CERS1: variants seen among roughly 807,000 people sequenced by gnomAD.
CERS1 encodes the protein Embryonic growth/differentiation factor 1.
A neutral mutation model predicts 35.7 loss-of-function variants in CERS1; 16 were observed. The observed-to-expected ratio is 0.45, with a 90% confidence interval of 0.30 to 0.68. The LOEUF (loss-of-function observed/expected upper bound fraction) is 0.68, where lower values mean the gene tolerates loss of function less well. CERS1 is among the 30% of genes least tolerant of loss of function. The probability of loss-of-function intolerance (pLI) is 0.08; values close to 1 mark genes in which losing one functional copy is unlikely to be tolerated. For synonymous variants in CERS1, 243 were observed against 201.6 expected, an observed-to-expected ratio of 1.21 and a Z score of -1.74; for missense variants, 454 against 453.9, an observed-to-expected ratio of 1.00 and a Z score of 0.00.
At chr19:18,885,500 C>T (rs1234750214) in intron 2 of CERS1, among the ~76,000 whole-genome samples, 1 of 144,024 alleles carries the variant, frequency 6.9e-6, no homozygotes, top group Non-Finnish European at 1.5e-5. Context: ...CCCAGCCCAG[C>T]GCCCCTTCTC....
At position 18,878,791 on chromosome 19, in the gene CERS1, C is replaced by T. The variant is rs1296657524; in HGVS notation, c.1010+139G>A. 3.4e-6 allele frequency: 5 copies of T among 1,466,822 alleles called. No homozygotes were observed. The East Asian group carries it at 1.3e-4, about 37-fold the overall frequency. 90.9% of individuals were successfully genotyped at this position (1,466,822 alleles called of 1,614,324 possible). On this transcript the variant is annotated intron_variant, in intron 6 of 7. Coordinates refer to ENST00000623882, the MANE Select transcript of CERS1 (RefSeq NM_021267.5). The surrounding 1 kb of genome is among the most constrained non-coding windows in gnomAD (Gnocchi z 4.6). ...ACATCGTCCACGCCTTTATTGCAGT[C>T]TCTGTTTTGGAGTAGGCTTGGGGGG...
chr19:18,869,433 G>A (rs2055921209), intron 7 of CERS1, 43 bp from the exon 8 acceptor site: 5 of 1,519,000 alleles, frequency 3.3e-6, no homozygotes, highest in Admixed American at 2.0e-5. Context: ...CTGCGTCCCC[G>A]GCCTGCCCAT....
chr19:18,896,978 G>T (rs2056635686), upstream of CERS1, among the ~76,000 whole-genome samples: 1 of 152,056 alleles, frequency 6.6e-6, no homozygotes, highest in Non-Finnish European at 1.5e-5. The surrounding 1 kb of genome is among the most constrained non-coding windows in gnomAD (Gnocchi z 5.9). Flanking sequence ...AGAGGCTGCA[G>T]GAGTGGGTGC....
intron 2 of CERS1, among the ~76,000 whole-genome samples, chr19:18,892,600 C>A (rs1055319302): frequency 6.6e-5 from 10 of 151,920 alleles, no homozygotes; most frequent in East Asian, 2.0e-4. Flanking sequence ...GGCGACAGAG[C>A]GAGACTCCAT....
Position 18,878,704 on chromosome 19 carries a change from G to T in CERS1, c.1010+226C>A. On this transcript the variant is annotated intron_variant, in intron 6 of 7. Coordinates refer to ENST00000623882, the MANE Select transcript of CERS1 (RefSeq NM_021267.5). The surrounding 1 kb of genome is among the most constrained non-coding windows in gnomAD (Gnocchi z 4.6). ...CCGCTGAGACCCTGCCTGTCGCCCTGCCTGCCCCTCCCCAGCCTCTCCCTC... is the reference window on the plus strand; with the variant it reads ...CCGCTGAGACCCTGCCTGTCGCCCTTCCTGCCCCTCCCCAGCCTCTCCCTC... The T allele has an allele frequency of 7.3e-7, 1 of 1,373,038 alleles. No individual in the cohort carries two copies. Among genetic ancestry groups the T allele is most frequent in the Non-Finnish European group, 9.4e-7 (1 of 1,060,058 alleles). The allele number at this position is 1,373,038 out of a possible 1,614,324, so 85.1% of individuals were successfully genotyped here.
chr19:18,868,548 C>CAGA lies in CERS1; in HGVS notation c.*1434_*1436dup, dbSNP rs1277342722. The CAGA allele has an allele frequency of 3.5e-6, 5 of 1,425,036 alleles. No individual in the cohort carries two copies. The highest frequency in any genetic ancestry group is 4.8e-6 in the Non-Finnish European group (5 of 1,036,100). The allele number at this position is 1,425,036 out of a possible 1,614,324, so 88.3% of individuals were successfully genotyped here. A position where few individuals can be genotyped will look rare whatever the true frequency, so the allele number is the denominator to read the frequency against. ...AAGGAGTCCAAGGAGACCAGCGGAGCAGACCACGCGGCATTTATTGTTGGG... is the reference window on the plus strand; with the variant it reads ...AAGGAGTCCAAGGAGACCAGCGGAGCAGAAGACCACGCGGCATTTATTGTTGGG... On this transcript the variant is annotated 3_prime_UTR_variant, in exon 8 of 8. Transcript: ENST00000623882.
At chr19:18,888,851 A>G (rs1354899689) in intron 2 of CERS1, among the ~76,000 whole-genome samples, 1 of 151,220 alleles carries the variant, frequency 6.6e-6, no homozygotes, top group East Asian at 1.9e-4. Context: ...ACAACAAACA[A>G]ACAAAAAACC....
intron 2 of CERS1, among the ~76,000 whole-genome samples, chr19:18,886,609 G>A (rs929849501): frequency 6.6e-6 from 1 of 152,128 alleles, no homozygotes; most frequent in Non-Finnish European, 1.5e-5. Flanking sequence ...GCCATGCTGT[G>A]CTCTGCCCAC....
At chr19:18,877,104 G>A (rs1601158274) in intron 6 of CERS1, among the ~76,000 whole-genome samples, 2 of 152,220 alleles carry the variant, frequency 1.3e-5, no homozygotes, top group Non-Finnish European at 2.9e-5. Flanking sequence ...TGTCCTTGGA[G>A]AATCGAATTC....
chr19:18,872,938 C>T (rs2056001048), intron 6 of CERS1, among the ~76,000 whole-genome samples: 1 of 152,218 alleles, frequency 6.6e-6, no homozygotes, highest in Non-Finnish European at 1.5e-5. Context: ...GCGTGAGCCA[C>T]CATGCCGGGC....
rs2055967798 is a variant in CERS1, at chr19:18,871,371, G to GCCA, written c.1011-755_1011-753dup. ...CCTCCTGAGTAGTGTGGTGGCACCT[G>GCCA]CCACCACACCCAGCTAATTTTTGTA... is the stretch of plus-strand genomic sequence containing the variant. On this transcript the variant is annotated intron_variant, in intron 6 of 7. Coordinates refer to ENST00000623882, the MANE Select transcript of CERS1 (RefSeq NM_021267.5). 2.6e-5 allele frequency among the ~76,000 whole-genome samples: 4 copies of GCCA among 151,348 alleles called. No individual in the cohort carries two copies. In the South Asian group the frequency reaches 8.4e-4, roughly 32 times the overall value.
intron 6 of CERS1, among the ~76,000 whole-genome samples, chr19:18,873,033 A>G (rs1159900366): frequency 6.6e-6 from 1 of 152,102 alleles, no homozygotes; most frequent in African/African-American, 2.4e-5. Flanking sequence ...GCAGAGAGAG[A>G]AGGATGATGC....
chr19:18,875,234 TAA>T (rs869211539), intron 6 of CERS1, among the ~76,000 whole-genome samples: 58 of 122,052 alleles, frequency 4.8e-4, no homozygotes, highest in Non-Finnish European at 4.0e-4. Flanking sequence ...GGACCGTCTC[TAA>T]AAAAAAAAAA....
At chr19:18,877,756 CAAAAA>C (rs386388683) in intron 6 of CERS1, among the ~76,000 whole-genome samples, 1 of 103,990 alleles carries the variant, frequency 9.6e-6, no homozygotes, top group African/African-American at 3.9e-5. Flanking sequence ...GACCCTGTCT[CAAAAA>C]AAAAAAAAAA....
rs547717675 is a variant in CERS1, at chr19:18,891,396, C to T, written c.409+2020G>A. Among the ~76,000 whole-genome samples the T allele has an allele frequency of 2.0e-4, 31 of 152,310 alleles. No homozygotes were observed. The East Asian group carries it at 5.8e-3, about 28-fold the overall frequency. On this transcript the variant is annotated intron_variant, in intron 2 of 7. Coordinates refer to ENST00000623882, the MANE Select transcript of CERS1 (RefSeq NM_021267.5). ...GGCAGAGAAGCCGCAGCCCCCACTG[C>T]CCCATCGCAGATGGGGTTTCCTACA...
At position 18,895,811 on chromosome 19, in the gene CERS1, C is replaced by G; in HGVS notation, c.249+13G>C. The G allele has an allele frequency of 1.6e-6, 2 of 1,236,090 alleles. No individual in the cohort carries two copies. Among genetic ancestry groups the G allele is most frequent in the Middle Eastern group, 3.3e-4 (1 of 3,014 alleles). The allele number at this position is 1,236,090 out of a possible 1,614,324, so 76.6% of individuals were successfully genotyped here. ...TCCGGGGTCCCCTCGTCCCGGCCCC[C>G]GGCCACACTGACCCGAAAGAGGCGC... On this transcript the variant is annotated intron_variant, in intron 1 of 7. Transcript: ENST00000623882. The surrounding 1 kb of genome is among the most constrained non-coding windows in gnomAD (Gnocchi z 6.4).
Position 18,869,531 on chromosome 19 carries a change from CTGA to C in CERS1, c.*595-144_*595-142del. 5 of 864,510 alleles carry C rather than the reference CTGA, an allele frequency of 5.8e-6. No individual in the cohort carries two copies. The Admixed American group carries it at 1.7e-4, about 29-fold the overall frequency. 53.6% of individuals were successfully genotyped at this position (864,510 alleles called of 1,614,324 possible). ...GAAGGGTGTGAAGCGGCGGGGTGGG[CTGA>C]TGGAGTGGGGGCAGGGCATGAGTTC... On this transcript the variant is annotated intron_variant, in intron 7 of 7. Coordinates refer to ENST00000623882, the MANE Select transcript of CERS1 (RefSeq NM_021267.5).
At chr19:18,869,586 C>CG (rs1255108824) in intron 7 of CERS1, among the ~76,000 whole-genome samples, 196 bp from the exon 8 acceptor site, 131 of 3,006 alleles carry the variant, frequency 0.044, no homozygotes, top group African/African-American at 0.082. Context: ...CGGGGTGCGG[C>CG]GGGGGGGGTG....
At chr19:18,877,993 G>A (rs2056093792) in intron 6 of CERS1, 2 of 985,336 alleles carry the variant, frequency 2.0e-6, no homozygotes, top group Admixed American at 6.1e-5. Flanking sequence ...AACAGGGTGG[G>A]GGGTCTGACG....
Sources: gnomAD v4.1 joint callset for allele counts (sites outside exome capture counted in the v4.1 genomes callset) on GRCh38, gnomAD v4.1.1 for gene constraint, Gnocchi (gnomAD v3.1) non-coding constraint, MANE v1.5 for transcripts, NCBI Gene and HGNC (gene_info 2026-07-23, HGNC 2026-07-21) for gene names.